Variants in FKBP1A observed in about 807,000 individuals in gnomAD.
FKBP1A encodes the protein FKBP prolyl isomerase 1A, also known as peptidyl-prolyl cis-trans isomerase FKBP1A.
Under a neutral mutation model 14.2 loss-of-function variants are expected in FKBP1A, and 5 were observed. The ratio of observed to expected loss-of-function variants is 0.35; its 90% confidence interval spans 0.18 to 0.74. The LOEUF is 0.74. Ranked by LOEUF, FKBP1A falls within the 30% of genes least tolerant of loss-of-function variation. FKBP1A has a pLI of 0.56. For missense variants in FKBP1A, 53 were observed against 138.8 expected, an observed-to-expected ratio of 0.38 and a Z score of 3.10; for synonymous variants, 42 against 49.1, an observed-to-expected ratio of 0.86 and a Z score of 0.60.
intron 2 of FKBP1A, among the ~76,000 whole-genome samples, chr20:1,380,197 G>A (rs1290585695): frequency 6.6e-6 from 1 of 152,002 alleles, no homozygotes; most frequent in Non-Finnish European, 1.5e-5. Flanking sequence ...CTGAGACATG[G>A]GAAACAAGGG....
intron 2 of FKBP1A, chr20:1,378,242 G>A (rs933172336): frequency 2.6e-5 from 4 of 152,290 alleles, no homozygotes; most frequent in Non-Finnish European, 5.9e-5. Context: ...GTACCACAAG[G>A]TGGTCATTCC....
At chr20:1,383,387 CAT>C (rs1473796702) in intron 2 of FKBP1A, among the ~76,000 whole-genome samples, 2 of 150,476 alleles carry the variant, frequency 1.3e-5, no homozygotes, top group Non-Finnish European at 3.0e-5. Context: ...AAAAATCAAA[CAT>C]AACAAAAAAC....
chr20:1,388,052 G>C (rs1600339734), intron 2 of FKBP1A, among the ~76,000 whole-genome samples: 1 of 152,178 alleles, frequency 6.6e-6, no homozygotes, highest in Non-Finnish European at 1.5e-5. Flanking sequence ...GGCTACCTAA[G>C]CACTCCACAG....
intron 4 of FKBP1A, among the ~76,000 whole-genome samples, chr20:1,371,442 G>C (rs1006524439): frequency 2.0e-5 from 3 of 152,170 alleles, no homozygotes; most frequent in African/African-American, 7.2e-5. Flanking sequence ...TCCTAGAACT[G>C]TCTGATCTAA....
At position 1,393,014 on chromosome 20, in the gene FKBP1A, T is replaced by A; in HGVS notation, c.-16A>T. The A allele has an allele frequency of 2.7e-6, 4 of 1,461,112 alleles. No individual in the cohort carries two copies. The highest frequency in any genetic ancestry group is 3.6e-6 in the Non-Finnish European group (4 of 1,109,884). The allele number at this position is 1,461,112 out of a possible 1,614,324, so 90.5% of individuals were successfully genotyped here. On this transcript the variant is annotated 5_prime_UTR_variant, in exon 1 of 5. Transcript: ENST00000400137. ...GCACTCCCATGGCGGCGGCGGACGC[T>A]GAGCGGGCGGGCGGCGCGACGGGCG...
At chr20:1,370,742 A>G (rs182894805) in intron 4 of FKBP1A, 3 of 985,158 alleles carry the variant, frequency 3.0e-6, no homozygotes, top group Non-Finnish European at 3.6e-6. Context: ...CCCTCCCTCT[A>G]CCTCATCAAG....
intron 2 of FKBP1A, among the ~76,000 whole-genome samples, chr20:1,390,803 G>A (rs972208638): frequency 6.6e-6 from 1 of 152,204 alleles, no homozygotes; most frequent in Admixed American, 6.5e-5. Flanking sequence ...CTGTGAGCAT[G>A]AGGCAGAGCT....
At position 1,370,066 on chromosome 20, in the gene FKBP1A, G is replaced by T; in HGVS notation, c.*43C>A. 1 of 1,548,990 alleles carries T rather than the reference G, an allele frequency of 6.5e-7. No individual in the cohort carries two copies. Among genetic ancestry groups the T allele is most frequent in the East Asian group, 2.4e-5 (1 of 40,914 alleles). The stretch of plus-strand genomic sequence containing the variant: ...GTCTGGAGGCACCAGATCCCTCCAT[G>T]GCAGATCTGTTGGGGACAGAAAATC... On this transcript the variant is annotated 3_prime_UTR_variant, in exon 5 of 5. Coordinates refer to ENST00000400137, the MANE Select transcript of FKBP1A (RefSeq NM_000801.5).
At chr20:1,383,264 A>C (rs2089635568) in intron 2 of FKBP1A, among the ~76,000 whole-genome samples, 1 of 152,086 alleles carries the variant, frequency 6.6e-6, no homozygotes, top group African/African-American at 2.4e-5. Flanking sequence ...CTCACAATGC[A>C]GTTTATAGTT....
intron 2 of FKBP1A, among the ~76,000 whole-genome samples, chr20:1,392,446 T>C (rs2089749862): frequency 2.0e-5 from 3 of 152,176 alleles, no homozygotes; most frequent in Admixed American, 6.5e-5. Flanking sequence ...TCCTTCCTAA[T>C]GGTCCCTGGC....
chr20:1,387,266 T>G (rs886281305), intron 2 of FKBP1A, among the ~76,000 whole-genome samples: 4 of 152,024 alleles, frequency 2.6e-5, no homozygotes, highest in African/African-American at 9.7e-5. Flanking sequence ...CCAGAGCTCT[T>G]TGAAAGATGG....
chr20:1,380,985 GTT>G (rs2089611240), intron 2 of FKBP1A, among the ~76,000 whole-genome samples: 2 of 152,156 alleles, frequency 1.3e-5, no homozygotes, highest in African/African-American at 4.8e-5. Flanking sequence ...AGACCTAAAT[GTT>G]AAGTACTAAA....
At chr20:1,389,128 CA>C (rs2089702917) in intron 2 of FKBP1A, among the ~76,000 whole-genome samples, 1 of 152,188 alleles carries the variant, frequency 6.6e-6, no homozygotes. Flanking sequence ...TTAATCTCTC[CA>C]GCGCTTCTTA....
intron 4 of FKBP1A, chr20:1,370,525 G>A (rs1354178891): frequency 2.0e-6 from 2 of 983,938 alleles, no homozygotes; most frequent in Non-Finnish European, 2.4e-6. Flanking sequence ...TGACTCTCAT[G>A]TGCAGTCCAG....
intron 3 of FKBP1A, 95 bp downstream of exon 3, chr20:1,375,396 C>T (rs2089526747): frequency 1.1e-6 from 1 of 883,320 alleles, no homozygotes; most frequent in African/African-American, 1.7e-5. Flanking sequence ...AGACTTTTCA[C>T]TTTTTTTATT....
chr20:1,388,168 C>G (rs2089689140), intron 2 of FKBP1A, among the ~76,000 whole-genome samples: 1 of 152,190 alleles, frequency 6.6e-6, no homozygotes, highest in African/African-American at 2.4e-5. Flanking sequence ...AGTACTCACA[C>G]TAAAATGTTT....
chr20:1,388,759 G>A (rs933650099), intron 2 of FKBP1A, among the ~76,000 whole-genome samples: 2 of 152,128 alleles, frequency 1.3e-5, no homozygotes, highest in East Asian at 1.9e-4. Flanking sequence ...GGGGGGCGGG[G>A]GCGGGCATTA....
At chr20:1,376,842 G>C (rs1304537755) in intron 2 of FKBP1A, 1 of 152,174 alleles carries the variant, frequency 6.6e-6, no homozygotes, top group Non-Finnish European at 1.5e-5. Context: ...TCCAATAAAA[G>C]GGGAACTCCA....
rs2089597057 is a variant in FKBP1A, at chr20:1,379,846, A to G, written c.86-4243T>C. Reference sequence around the variant, plus strand: ...CTGGCACAAGCTACAGGACAAGGAGAAGGAGGGCTTCCCCAGTGGGGAGGA... The same window carrying G: ...CTGGCACAAGCTACAGGACAAGGAGGAGGAGGGCTTCCCCAGTGGGGAGGA... On this transcript the variant is annotated intron_variant, in intron 2 of 4. Transcript: ENST00000400137. This position sits in a 1 kb window ranked among gnomAD's most constrained non-coding sequence, Gnocchi z 4.3. Among the ~76,000 whole-genome samples, 1 of 152,088 alleles carries G rather than the reference A, an allele frequency of 6.6e-6. No homozygotes were observed. The highest frequency in any genetic ancestry group is 6.5e-5 in the Admixed American group (1 of 15,270).
Sources: allele counts gnomAD v4.1 joint callset (sites outside exome capture counted in the v4.1 genomes callset), GRCh38; gene constraint gnomAD v4.1.1; non-coding constraint Gnocchi (gnomAD v3.1); transcripts MANE v1.5; gene names NCBI Gene and HGNC (gene_info 2026-07-23, HGNC 2026-07-21).